ARL6IP5: variants seen among roughly 807,000 people sequenced by gnomAD.
ARL6IP5 encodes the protein ARF like GTPase 6 interacting protein 5.
Under a neutral mutation model 13.0 loss-of-function variants are expected in ARL6IP5, and 6 were observed. The ratio of observed to expected loss-of-function variants is 0.46; its 90% CI spans 0.25 to 0.91. ARL6IP5 has a LOEUF of 0.91. ARL6IP5 is among the 40% of genes least tolerant of loss of function. ARL6IP5 has a pLI of 0.17. For missense variants in ARL6IP5, 208 were observed against 248.8 expected, an observed-to-expected ratio of 0.84 and a Z score of 1.10; for synonymous variants, 91 against 91.9, an observed-to-expected ratio of 0.99 and a Z score of 0.06.
chr3:69,089,581 G>A (rs2092258523), intron 1 of ARL6IP5, among the ~76,000 whole-genome samples: 1 of 149,786 alleles, frequency 6.7e-6, no homozygotes, highest in Non-Finnish European at 1.5e-5. Context: ...GAGATGGGAG[G>A]ATTGCTCAAG....
intron 1 of ARL6IP5, among the ~76,000 whole-genome samples, chr3:69,089,464 C>G (rs992412746): frequency 6.6e-6 from 1 of 152,090 alleles, no homozygotes; most frequent in Admixed American, 6.5e-5. Flanking sequence ...TCAACTGCAT[C>G]CCTGACTCTT....
intron 1 of ARL6IP5, among the ~76,000 whole-genome samples, chr3:69,101,129 C>T (rs1427863301): frequency 6.6e-6 from 1 of 152,044 alleles, no homozygotes; most frequent in Non-Finnish European, 1.5e-5. Flanking sequence ...TACATTCGTC[C>T]ATCATGAGCT....
intron 1 of ARL6IP5, chr3:69,100,171 C>A (rs996237806): frequency 6.6e-6 from 1 of 152,206 alleles, no homozygotes; most frequent in Non-Finnish European, 1.5e-5. Context: ...AGGTGATCCA[C>A]CCACCTAGGC....
intron 1 of ARL6IP5, among the ~76,000 whole-genome samples, chr3:69,095,276 A>G (rs1262092282): frequency 1.3e-5 from 2 of 152,172 alleles, no homozygotes. Flanking sequence ...AAACCTTTTT[A>G]TAACCATAAA....
At chr3:69,098,584 T>C (rs927792625) in intron 1 of ARL6IP5, among the ~76,000 whole-genome samples, 2 of 151,840 alleles carry the variant, frequency 1.3e-5, no homozygotes, top group African/African-American at 4.8e-5. Flanking sequence ...AGAGGTGGGG[T>C]TTCACCACGT....
rs2107516624 is a variant in ARL6IP5, at chr3:69,104,724, C to T, written c.*88C>T. On this transcript the variant is annotated 3_prime_UTR_variant, in exon 3 of 3. Transcript: ENST00000273258. ...CTATGTTCTGCTTGCGTTTTTGAAA[C>T]AGGAGGTGCACGTACCACCCAATTA... 7.0e-7 allele frequency: 1 copy of T among 1,437,618 alleles called. No homozygotes were observed. The highest frequency in any genetic ancestry group is 1.2e-5 in the South Asian group (1 of 83,574). The allele number at this position is 1,437,618 out of a possible 1,614,324, so 89.1% of individuals were successfully genotyped here.
Position 69,104,547 on chromosome 3 carries a change from A to G in ARL6IP5, c.478A>G (p.Thr160Ala). The change falls in exon 3 of 3, where the codon ACA becomes GCA. Residue 160 changes from threonine (T) to alanine (A), a missense_variant. Transcript: ENST00000273258. ...AATGGAAGGAATAGGTTTGAAGAGG[A>G]CACCGATGGGCATTGTCCTGGATGC... ...NKMEGIGLKR[T>A]PMGIVLDALE... 6.2e-7 allele frequency: 1 copy of G among 1,614,152 alleles called. No homozygotes were observed. The highest frequency in any genetic ancestry group is 8.5e-7 in the Non-Finnish European group (1 of 1,179,974).
chr3:69,102,067 T>C lies in ARL6IP5; in HGVS notation c.394+11T>C, dbSNP rs1439383767. ...CTTTTCCTTTGCTGTGTAAGTGAAC[T>C]TGAGTTTTTTCTTCCATCATCAAAA... On this transcript the variant is annotated intron_variant, in intron 2 of 2. Transcript: ENST00000273258. 3 of 1,611,018 alleles carry C rather than the reference T, an allele frequency of 1.9e-6. No homozygotes were observed. The South Asian group carries it at 3.3e-5, about 18-fold the overall frequency.
intron 1 of ARL6IP5, among the ~76,000 whole-genome samples, chr3:69,087,569 C>A (rs540015617): frequency 2.0e-4 from 30 of 152,150 alleles, no homozygotes; most frequent in Admixed American, 5.9e-4. Context: ...TGATAGAATC[C>A]ATTTTTCACT....
chr3:69,089,980 C>A (rs1458513920), intron 1 of ARL6IP5: 10 of 398,024 alleles, frequency 2.5e-5, no homozygotes, highest in Non-Finnish European at 3.9e-5. Context: ...TTCTAGAAGG[C>A]TGGTAATTAT....
At chr3:69,085,478 C>T (rs1046003796) in intron 1 of ARL6IP5, among the ~76,000 whole-genome samples, 1 of 152,208 alleles carries the variant, frequency 6.6e-6, no homozygotes, top group African/African-American at 2.4e-5. Flanking sequence ...TTGCCAGCCG[C>T]AGGGAAGAAA....
At position 69,085,126 on chromosome 3, in the gene ARL6IP5, A is replaced by T. The variant is rs1460606652; in HGVS notation, c.79A>T (p.Arg27Trp). The T allele has an allele frequency of 6.2e-7, 1 of 1,614,232 alleles. No homozygotes were observed. The highest frequency in any genetic ancestry group is 8.5e-7 in the Non-Finnish European group (1 of 1,180,036). The change falls in exon 1 of 3, where the codon AGG becomes TGG. Residue 27 changes from arginine to tryptophan, a missense_variant. Transcript: ENST00000273258. ...GSDRFARPDF[R>W]DISKWNNRVV... ...CGATCGCTTTGCCCGGCCGGACTTC[A>T]GGGACATTTCCAAATGGAACAACCG... is the stretch of plus-strand genomic sequence containing the variant.
At position 69,096,673 on chromosome 3, in the gene ARL6IP5, G is replaced by A. The variant is rs150223111; in HGVS notation, c.177-5166G>A. Among the ~76,000 whole-genome samples, 628 of 143,216 alleles carry A rather than the reference G, an allele frequency of 4.4e-3. 5 individuals carry two copies. Among genetic ancestry groups the A allele is most frequent in the African/African-American group, 0.015 (558 of 38,374 alleles). The allele number at this position is 143,216 out of a possible 152,430, so 94.0% of individuals were successfully genotyped here. A position where few individuals can be genotyped will look rare whatever the true frequency, so the allele number is the denominator to read the frequency against. On this transcript the variant is annotated intron_variant, in intron 1 of 2. Transcript: ENST00000273258. ...GGCTGGAGTGCAGTGGCACAATCTC[G>A]GCTCACTGCAGCCTCCGCCTCCCGG...
intron 1 of ARL6IP5, among the ~76,000 whole-genome samples, chr3:69,100,382 A>T (rs529215993): frequency 6.6e-6 from 1 of 152,358 alleles, no homozygotes; most frequent in Admixed American, 6.5e-5. Flanking sequence ...TGGGCATTTT[A>T]AAACACTTAT....
Position 69,104,853 on chromosome 3 carries a change from G to T in ARL6IP5, c.*217G>T, listed in dbSNP as rs1308552640. 4.2e-6 allele frequency: 3 copies of T among 706,256 alleles called. No individual in the cohort carries two copies. The highest frequency in any genetic ancestry group is 5.2e-6 in the Non-Finnish European group (2 of 388,212). 43.7% of individuals were successfully genotyped at this position (706,256 alleles called of 1,614,324 possible). On this transcript the variant is annotated 3_prime_UTR_variant, in exon 3 of 3. Coordinates refer to ENST00000273258, the MANE Select transcript of ARL6IP5 (RefSeq NM_006407.4). Reference sequence around the variant, plus strand: ...AAACCACCACCCTCCTATTGTGTCTGAAGTTTCACGTGTGTTTATGAAATC... The same window carrying T: ...AAACCACCACCCTCCTATTGTGTCTTAAGTTTCACGTGTGTTTATGAAATC...
intron 1 of ARL6IP5, 148 bp from the exon 2 acceptor site, chr3:69,101,691 A>G (rs1027589035): frequency 4.1e-6 from 3 of 725,128 alleles, no homozygotes; most frequent in Non-Finnish European, 6.9e-6. Flanking sequence ...TATCTCCTTT[A>G]TAAGGTTATG....
chr3:69,100,658 G>A lies in ARL6IP5; in HGVS notation c.177-1181G>A, dbSNP rs2092302013. Among the ~76,000 whole-genome samples, 3 of 151,948 alleles carry A rather than the reference G, an allele frequency of 2.0e-5. No homozygotes were observed. The South Asian group carries it at 6.2e-4, about 32-fold the overall frequency. ...TAGCTGGGCGTGGTGGCATGTACCT[G>A]TAATCCCAGTTACTCGGGAGGCTGA... On this transcript the variant is annotated intron_variant, in intron 1 of 2. Transcript: ENST00000273258.
chr3:69,097,786 T>C (rs1302155070), intron 1 of ARL6IP5, among the ~76,000 whole-genome samples: 2 of 151,970 alleles, frequency 1.3e-5, no homozygotes, highest in African/African-American at 2.4e-5. Context: ...GTGCTGGGTA[T>C]TGGGGAAGGT....
At chr3:69,098,882 G>A (rs568149092) in intron 1 of ARL6IP5, among the ~76,000 whole-genome samples, 4 of 152,126 alleles carry the variant, frequency 2.6e-5, no homozygotes, top group South Asian at 2.1e-4. Context: ...CATATAGGTC[G>A]TTTCTGAAAG....
Sources: allele counts gnomAD v4.1 joint callset (sites outside exome capture counted in the v4.1 genomes callset), GRCh38; gene constraint gnomAD v4.1.1; transcripts MANE v1.5; gene names NCBI Gene and HGNC (gene_info 2026-07-23, HGNC 2026-07-21).